PTPRC: variants seen among roughly 807,000 people sequenced by gnomAD.
PTPRC encodes the protein protein tyrosine phosphatase receptor type C, also known as receptor-type tyrosine-protein phosphatase C.
Under a neutral mutation model 155.9 loss-of-function variants are expected in PTPRC, and 44 were observed. The ratio of observed to expected loss-of-function variants is 0.28; its 90% CI spans 0.22 to 0.36. The LOEUF (loss-of-function observed/expected upper bound fraction) is 0.36. Ranked by LOEUF, PTPRC falls within the 10% of genes least tolerant of loss-of-function variation. The pLI, the probability that PTPRC is intolerant of heterozygous loss-of-function variation, is 1.00. For synonymous variants in PTPRC, 525 were observed against 533.1 expected, an observed-to-expected ratio of 0.98 and a Z score of 0.21; for missense variants, 1,401 against 1,564.6, an observed-to-expected ratio of 0.90 and a Z score of 1.76.
intron 5 of PTPRC, chr1:198,700,079 G>A: frequency 3.4e-6 from 1 of 296,830 alleles, no homozygotes; most frequent in Non-Finnish European, 6.5e-6. Context: ...GGTGAAGAGT[G>A]ATTCCTATTA....
intron 2 of PTPRC, among the ~76,000 whole-genome samples, chr1:198,691,722 A>G (rs1272742653): frequency 6.6e-6 from 1 of 152,032 alleles, no homozygotes; most frequent in Non-Finnish European, 1.5e-5. Context: ...GCTATATGCA[A>G]TCCTTTAGGT....
intron 4 of PTPRC, 132 bp from the exon 5 acceptor site, chr1:198,699,432 C>A: frequency 2.7e-6 from 3 of 1,095,358 alleles, no homozygotes; most frequent in Non-Finnish European, 4.1e-6. Flanking sequence ...TACTGACAGA[C>A]ACATTTTAAC....
At chr1:198,742,210 T>G in intron 24 of PTPRC, 22 bp from the exon 25 acceptor site, 1 of 1,610,144 alleles carries the variant, frequency 6.2e-7, no homozygotes, top group South Asian at 1.1e-5. Context: ...ATGCCTCTGC[T>G]TTTTTTTGCT....
At chr1:198,752,155 G>T in intron 29 of PTPRC, 94 bp from the exon 30 acceptor site, 1 of 1,360,950 alleles carries the variant, frequency 7.3e-7, no homozygotes, top group Non-Finnish European at 1.0e-6. Context: ...TAGAAAAGAG[G>T]CACAGACAGA....
intron 18 of PTPRC, among the ~76,000 whole-genome samples, 180 bp downstream of exon 18, chr1:198,731,906 T>A (rs1654405670): frequency 6.6e-6 from 1 of 151,996 alleles, no homozygotes; most frequent in Non-Finnish European, 1.5e-5. Flanking sequence ...GTTGACGGGA[T>A]TATAGTGTAG....
chr1:198,674,985 A>G (rs1216895566), intron 2 of PTPRC, among the ~76,000 whole-genome samples: 2 of 151,968 alleles, frequency 1.3e-5, no homozygotes, highest in African/African-American at 4.8e-5. Flanking sequence ...TGTTGCATTT[A>G]TTTCTTATGC....
intron 11 of PTPRC, 139 bp from the exon 12 acceptor site, chr1:198,712,814 C>A: frequency 1.1e-6 from 1 of 923,858 alleles, no homozygotes; most frequent in East Asian, 2.5e-5. Flanking sequence ...TAAATGAGCC[C>A]AGATGCATTT....
chr1:198,648,706 A>G (rs1414426010), intron 2 of PTPRC, among the ~76,000 whole-genome samples: 5 of 151,808 alleles, frequency 3.3e-5, no homozygotes, highest in South Asian at 2.1e-4. Flanking sequence ...ACTTTTATAA[A>G]AAACAAAAAG....
chr1:198,649,853 C>A (rs1442961906), intron 2 of PTPRC, among the ~76,000 whole-genome samples: 3 of 151,742 alleles, frequency 2.0e-5, no homozygotes, highest in Non-Finnish European at 1.5e-5. Context: ...AAACAAACAA[C>A]AAATTGAGAT....
chr1:198,734,271 T>G, intron 21 of PTPRC, 39 bp downstream of exon 21: 2 of 1,609,938 alleles, frequency 1.2e-6, no homozygotes, highest in South Asian at 2.2e-5. Context: ...TTTGAAAAAT[T>G]TTTATAGCAC....
intron 8 of PTPRC, among the ~76,000 whole-genome samples, chr1:198,706,202 G>T (rs918552771): frequency 6.6e-6 from 1 of 152,184 alleles, no homozygotes; most frequent in African/African-American, 2.4e-5. Context: ...AGGTGCTTTG[G>T]AGGTATATTA....
intron 12 of PTPRC, among the ~76,000 whole-genome samples, chr1:198,716,323 G>T (rs1225041214): frequency 6.6e-6 from 1 of 152,126 alleles, no homozygotes; most frequent in Non-Finnish European, 1.5e-5. Flanking sequence ...TTCTAAAAAA[G>T]AATCATTCTG....
intron 16 of PTPRC, 47 bp downstream of exon 16, chr1:198,728,495 G>A: frequency 1.3e-6 from 2 of 1,596,098 alleles, no homozygotes; most frequent in Non-Finnish European, 1.7e-6. Context: ...ATTAGTAATG[G>A]TGCAAACGCA....
intron 17 of PTPRC, among the ~76,000 whole-genome samples, chr1:198,729,894 G>A (rs529056613): frequency 1.3e-5 from 2 of 152,274 alleles, no homozygotes; most frequent in South Asian, 2.1e-4. Context: ...AAATGAGGGA[G>A]TGGTGGAGGG....
chr1:198,740,139 A>G (rs1171730215), intron 23 of PTPRC, among the ~76,000 whole-genome samples: 1 of 151,886 alleles, frequency 6.6e-6, no homozygotes, highest in East Asian at 1.9e-4. Flanking sequence ...AAACAACATA[A>G]TGATACATTT....
intron 8 of PTPRC, 80 bp downstream of exon 8, chr1:198,704,578 A>T: frequency 6.2e-7 from 1 of 1,611,348 alleles, no homozygotes; most frequent in Non-Finnish European, 8.5e-7. Context: ...CCAAGCTTTC[A>T]GGACCCACTA....
chr1:198,654,345 A>T (rs1202263635), intron 2 of PTPRC, among the ~76,000 whole-genome samples: 3 of 151,798 alleles, frequency 2.0e-5, no homozygotes, highest in Non-Finnish European at 4.4e-5. Flanking sequence ...TTTTCTTCTG[A>T]TTTAAAAAAA....
rs78871255 is a variant in PTPRC at position 198,729,906 on chromosome 1, C to T, written c.1864+735C>T. Among the ~76,000 whole-genome samples the T allele has an allele frequency of 3.0e-3, 449 of 152,052 alleles. 3 individuals carry two copies. Among genetic ancestry groups the T allele is most frequent in the African/African-American group, 1.0e-2 (413 of 41,490 alleles). Reference sequence around the variant, plus strand: ...GACAAATGAGGGAGTGGTGGAGGGACGAGTGGATGGAAGTCACAGAGATGG... The same window carrying T: ...GACAAATGAGGGAGTGGTGGAGGGATGAGTGGATGGAAGTCACAGAGATGG... On this transcript the variant is annotated intron_variant, in intron 17 of 32. Transcript: ENST00000442510.
At chr1:198,687,217 T>C (rs7410883) in intron 2 of PTPRC, among the ~76,000 whole-genome samples, 18,186 of 152,138 alleles carry the variant, frequency 0.12, 1,206 homozygotes, top group East Asian at 0.19. Flanking sequence ...GATTGCTTGG[T>C]TCAAGCGATC....
Sources: gnomAD v4.1 joint callset for allele counts (sites outside exome capture counted in the v4.1 genomes callset) on GRCh38, gnomAD v4.1.1 for gene constraint, MANE v1.5 for transcripts, NCBI Gene and HGNC (gene_info 2026-07-23, HGNC 2026-07-21) for gene names.